Variants in SCARB1 observed in about 807,000 individuals in gnomAD.
The protein encoded by SCARB1 is CD36 and LIMPII analogous 1.
A neutral mutation model predicts 57.2 loss-of-function variants in SCARB1; 30 were observed. The observed-to-expected ratio is 0.52, with a 90% CI of 0.39 to 0.71. SCARB1 has a LOEUF of 0.71. SCARB1 is among the 30% of genes least tolerant of loss of function. The pLI, the probability that SCARB1 is intolerant of heterozygous loss-of-function variation, is 0.00. For missense variants in SCARB1, 543 were observed against 671.2 expected, an observed-to-expected ratio of 0.81 and a Z score of 2.11; for synonymous variants, 249 against 268.3, an observed-to-expected ratio of 0.93 and a Z score of 0.70.
chr12:124,809,759 A>G (rs1363470890), intron 6 of SCARB1, among the ~76,000 whole-genome samples: 1 of 152,138 alleles, frequency 6.6e-6, no homozygotes, highest in African/African-American at 2.4e-5. Flanking sequence ...GTCTACTCTT[A>G]CCCCACAACT....
intron 1 of SCARB1, among the ~76,000 whole-genome samples, chr12:124,824,863 T>C (rs1951075743): frequency 6.6e-6 from 1 of 152,226 alleles, no homozygotes; most frequent in Non-Finnish European, 1.5e-5. Context: ...CCCAGCATGA[T>C]GCAACTTACG....
intron 1 of SCARB1, among the ~76,000 whole-genome samples, chr12:124,835,700 A>G (rs1417451720): frequency 6.6e-6 from 1 of 152,214 alleles, no homozygotes; most frequent in Non-Finnish European, 1.5e-5. Flanking sequence ...AACTGGGCCC[A>G]TGGGCCAGAT....
At chr12:124,829,246 A>G (rs978737622) in intron 1 of SCARB1, among the ~76,000 whole-genome samples, 1 of 152,126 alleles carries the variant, frequency 6.6e-6, no homozygotes, top group South Asian at 2.1e-4. Context: ...GCTTTAAAGC[A>G]TGCCTCAAAT....
intron 1 of SCARB1, among the ~76,000 whole-genome samples, chr12:124,824,172 T>G (rs1382668119): frequency 3.1e-5 from 1 of 32,462 alleles, no homozygotes; most frequent in Non-Finnish European, 1.1e-4. Flanking sequence ...CGAGATTTCA[T>G]CTCAAAAAAA....
At chr12:124,787,273 G>A (rs984765008) in intron 10 of SCARB1, 133 bp downstream of exon 10, 2 of 760,026 alleles carry the variant, frequency 2.6e-6, no homozygotes, top group East Asian at 2.7e-5. Flanking sequence ...CTGATACGCT[G>A]GTCCATGTCA....
chr12:124,827,811 C>T (rs1174987478), intron 1 of SCARB1, among the ~76,000 whole-genome samples: 1 of 152,160 alleles, frequency 6.6e-6, no homozygotes, highest in Non-Finnish European at 1.5e-5. Context: ...TCCCGACCTG[C>T]CGTGTTGTTT....
Position 124,814,128 on chromosome 12 carries a change from C to T in SCARB1, c.630+74G>A. On this transcript the variant is annotated intron_variant, in intron 4 of 12. Coordinates refer to ENST00000261693, the MANE Select transcript of SCARB1 (RefSeq NM_005505.5). The surrounding 1 kb of genome is among the most constrained non-coding windows in gnomAD (Gnocchi z 4.7). Reference sequence around the variant, plus strand: ...AGCCAGCTACAAAGCAAGCTGGTGACCAGTGTCCAGGCTGTGTGAGGGGAA... The same window carrying T: ...AGCCAGCTACAAAGCAAGCTGGTGATCAGTGTCCAGGCTGTGTGAGGGGAA... 7.1e-7 allele frequency: 1 copy of T among 1,400,482 alleles called. No homozygotes were observed. The highest frequency in any genetic ancestry group is 1.0e-6 in the Non-Finnish European group (1 of 986,378). 86.8% of individuals were successfully genotyped at this position (1,400,482 alleles called of 1,614,324 possible).
chr12:124,802,792 C>T (rs1255144498), intron 7 of SCARB1, among the ~76,000 whole-genome samples: 1 of 152,188 alleles, frequency 6.6e-6, no homozygotes, highest in African/African-American at 2.4e-5. Flanking sequence ...GTCGGATGCC[C>T]TCACGCAACA....
intron 10 of SCARB1, among the ~76,000 whole-genome samples, chr12:124,786,811 C>T (rs971148466): frequency 2.0e-5 from 3 of 152,168 alleles, no homozygotes; most frequent in Non-Finnish European, 1.5e-5. Flanking sequence ...TCCAGGATGG[C>T]GGGGCCACCG....
Position 124,815,003 on chromosome 12 carries a change from G to A in SCARB1, c.396C>T (p.Asp132=), listed in dbSNP as rs763123151. The change falls in exon 3 of 13, where the codon GAC becomes GAT. Residue 132 remains aspartate (D), a synonymous_variant. Coordinates refer to ENST00000261693, the MANE Select transcript of SCARB1 (RefSeq NM_005505.5). The stretch of plus-strand genomic sequence containing the variant: ...CCAGGATGTTGGGCATGACGATGTA[G>A]TCGCTCTCCGAGCCGTGGGACTTGG... ...QPSKSHGSES[D]YIVMPNILVL... The A allele has an allele frequency of 3.7e-6, 6 of 1,614,232 alleles. No homozygotes were observed. The Admixed American group carries it at 1.0e-4, about 27-fold the overall frequency.
chr12:124,833,943 A>T (rs1291056244), intron 1 of SCARB1, among the ~76,000 whole-genome samples: 1 of 152,236 alleles, frequency 6.6e-6, no homozygotes, highest in African/African-American at 2.4e-5. Context: ...CAGCGGGGGC[A>T]CTTTGTTCTT....
At position 124,793,490 on chromosome 12, in the gene SCARB1, G is replaced by A. The variant is rs145223888; in HGVS notation, c.1202+1705C>T. ...GGGCGGATCACGAGGTCAGGAGATC[G>A]AGACCAACCTGGCTAACATGGTGAA... On this transcript the variant is annotated intron_variant, in intron 9 of 12. Coordinates refer to ENST00000261693, the MANE Select transcript of SCARB1 (RefSeq NM_005505.5). Among the ~76,000 whole-genome samples, 1,260 of 151,902 alleles carry A rather than the reference G, an allele frequency of 8.3e-3. 27 individuals are homozygous for A. Among genetic ancestry groups the A allele is most frequent in the African/African-American group, 0.028 (1,139 of 41,394 alleles).
intron 7 of SCARB1, among the ~76,000 whole-genome samples, chr12:124,801,186 A>G (rs1266851584): frequency 6.6e-6 from 1 of 152,026 alleles, no homozygotes; most frequent in Non-Finnish European, 1.5e-5. Context: ...GTAACAGAGC[A>G]AGATCCTGTC....
chr12:124,817,353 T>TAAAAAAA lies in SCARB1; in HGVS notation c.284+190_284+196dup, dbSNP rs60063887. Reference sequence around the variant, plus strand: ...GGGCAACATAGCAAGATCCCATCTCTAAAAAAAAAAAAAAAAAAAAAAAAA... The same window carrying TAAAAAAA: ...GGGCAACATAGCAAGATCCCATCTCTAAAAAAAAAAAAAAAAAAAAAAAAAAAAAAAA... On this transcript the variant is annotated intron_variant, in intron 2 of 12. Coordinates refer to ENST00000261693, the MANE Select transcript of SCARB1 (RefSeq NM_005505.5). This position sits in a 1 kb window ranked among gnomAD's most constrained non-coding sequence, Gnocchi z 4.8. Among the ~76,000 whole-genome samples, 1 of 68,770 alleles carries TAAAAAAA rather than the reference T, an allele frequency of 1.5e-5. No individual in the cohort carries two copies. Among genetic ancestry groups the TAAAAAAA allele is most frequent in the Non-Finnish European group, 2.7e-5 (1 of 37,542 alleles). 45.1% of individuals were successfully genotyped at this position (68,770 alleles called of 152,430 possible). A position where few individuals can be genotyped will look rare whatever the true frequency, so the allele number is the denominator to read the frequency against.
chr12:124,836,286 C>T lies in SCARB1; in HGVS notation c.127-18579G>A, dbSNP rs148928628. Among the ~76,000 whole-genome samples, 1,024 of 152,250 alleles carry T rather than the reference C, an allele frequency of 6.7e-3. 8 individuals are homozygous for T. The highest frequency in any genetic ancestry group is 0.011 in the Non-Finnish European group (719 of 68,002). ...GCGCATGTGTCACTGGCCAGAATGT[C>T]CATCAGTACAGCCACCTCGGAGAGC... On this transcript the variant is annotated intron_variant, in intron 1 of 12. Transcript: ENST00000261693.
At chr12:124,791,880 C>G (rs1195559273) in intron 9 of SCARB1, among the ~76,000 whole-genome samples, 1 of 151,774 alleles carries the variant, frequency 6.6e-6, no homozygotes, top group South Asian at 2.1e-4. Context: ...CGCTTGAACC[C>G]GAGGCGGAGG....
At position 124,831,766 on chromosome 12, in the gene SCARB1, G is replaced by T. The variant is rs1337231576; in HGVS notation, c.127-14059C>A. Reference sequence around the variant, plus strand: ...AGGAATAAAGAATAGGACCCATGCAGCAGGGACAGGTCATGTTGACATAAT... The same window carrying T: ...AGGAATAAAGAATAGGACCCATGCATCAGGGACAGGTCATGTTGACATAAT... On this transcript the variant is annotated intron_variant, in intron 1 of 12. Coordinates refer to ENST00000261693, the MANE Select transcript of SCARB1 (RefSeq NM_005505.5). 3.9e-5 allele frequency among the ~76,000 whole-genome samples: 6 copies of T among 152,226 alleles called. 1 individual carries two copies. The highest frequency in any genetic ancestry group is 3.9e-4 in the Admixed American group (6 of 15,276).
At chr12:124,790,092 A>T (rs764840842) in intron 9 of SCARB1, among the ~76,000 whole-genome samples, 8 of 143,198 alleles carry the variant, frequency 5.6e-5, no homozygotes, top group Non-Finnish European at 6.1e-5. Context: ...AAAGAGGGAG[A>T]GGCCAAGTGC....
intron 1 of SCARB1, among the ~76,000 whole-genome samples, chr12:124,827,549 AGGGGAGGCT>A (rs934113763): frequency 3.9e-5 from 6 of 152,044 alleles, no homozygotes; most frequent in African/African-American, 1.5e-4. Context: ...ACTAGGGAAA[AGGGGAGGCT>A]GGGGAGAAGC....
Sources: gnomAD v4.1 joint callset for allele counts (sites outside exome capture counted in the v4.1 genomes callset) on GRCh38, gnomAD v4.1.1 for gene constraint, Gnocchi (gnomAD v3.1) non-coding constraint, MANE v1.5 for transcripts, NCBI Gene and HGNC (gene_info 2026-07-23, HGNC 2026-07-21) for gene names.